Variants in EDIL3 observed in about 807,000 individuals in gnomAD.
EDIL3 encodes EGF like and discoidin domains 3.
Under a neutral mutation model 67.4 loss-of-function variants are expected in EDIL3, and 37 were observed. The ratio of observed to expected loss-of-function variants is 0.55; its 90% CI spans 0.42 to 0.72. The LOEUF is 0.72. Ranked by LOEUF, EDIL3 falls within the 30% of genes least tolerant of loss-of-function variation. The pLI is 0.00. For synonymous variants in EDIL3, 195 were observed against 196.3 expected, an observed-to-expected ratio of 0.99 and a Z score of 0.05; for missense variants, 527 against 586.3, an observed-to-expected ratio of 0.90 and a Z score of 1.04.
intron 5 of EDIL3, among the ~76,000 whole-genome samples, chr5:84,112,757 T>G (rs1348624525): frequency 6.6e-6 from 1 of 152,170 alleles, no homozygotes; most frequent in Non-Finnish European, 1.5e-5. Flanking sequence ...AGAACCCCTT[T>G]GTAGGCAAAG....
At chr5:84,175,562 T>C (rs1036442609) in intron 4 of EDIL3, among the ~76,000 whole-genome samples, 16 of 152,208 alleles carry the variant, frequency 1.1e-4, no homozygotes, top group African/African-American at 3.4e-4. Flanking sequence ...AGAAGTGTTA[T>C]TTCCACACTC....
rs552651047 is a variant in EDIL3, at chr5:84,074,454, C to T, written c.652-7848G>A. On this transcript the variant is annotated intron_variant, in intron 6 of 10. Transcript: ENST00000296591. ...AAATTTTCTCAACCTACTCATCTGA[C>T]AAAGGGCTAATATCCAGAATCTACA... 3.8e-3 allele frequency among the ~76,000 whole-genome samples: 576 copies of T among 152,230 alleles called. 2 individuals are homozygous for T. Among genetic ancestry groups the T allele is most frequent in the African/African-American group, 0.013 (549 of 41,530 alleles).
At chr5:84,125,278 C>T (rs1747847819) in intron 5 of EDIL3, among the ~76,000 whole-genome samples, 1 of 151,988 alleles carries the variant, frequency 6.6e-6, no homozygotes, top group Admixed American at 6.6e-5. Flanking sequence ...TTTCCAGTGA[C>T]TTAATATCAG....
chr5:84,208,665 A>G (rs836037), intron 3 of EDIL3, among the ~76,000 whole-genome samples: 65,809 of 115,922 alleles, frequency 0.57, 15,631 homozygotes, highest in East Asian at 0.62. Flanking sequence ...CGGCCTGGGC[A>G]ACAGAGCGAG....
chr5:84,310,984 T>A (rs964683400), intron 1 of EDIL3, among the ~76,000 whole-genome samples: 3 of 152,084 alleles, frequency 2.0e-5, no homozygotes, highest in South Asian at 4.1e-4. Flanking sequence ...TTCTATCATG[T>A]CTGTTTTTTT....
intron 1 of EDIL3, among the ~76,000 whole-genome samples, chr5:84,292,781 C>A (rs755248756): frequency 7.9e-5 from 12 of 152,068 alleles, no homozygotes; most frequent in Non-Finnish European, 1.3e-4. Context: ...CACTCACCCA[C>A]CCAAACCCAA....
intron 5 of EDIL3, among the ~76,000 whole-genome samples, chr5:84,136,950 A>G (rs1437375774): frequency 2.0e-5 from 3 of 152,090 alleles, no homozygotes; most frequent in African/African-American, 7.2e-5. Context: ...ATCTGAGGAA[A>G]TGTTATCATT....
chr5:84,381,598 T>C (rs1465787788), intron 1 of EDIL3, among the ~76,000 whole-genome samples: 1 of 152,150 alleles, frequency 6.6e-6, no homozygotes, highest in Non-Finnish European at 1.5e-5. Flanking sequence ...AAAATCGCCA[T>C]TGATTAAAAA....
intron 9 of EDIL3, among the ~76,000 whole-genome samples, chr5:84,017,622 T>A (rs752464872): frequency 1.7e-4 from 26 of 152,106 alleles, no homozygotes; most frequent in South Asian, 4.1e-4. Flanking sequence ...AAATGTATAA[T>A]AACTGTGGGA....
intron 5 of EDIL3, among the ~76,000 whole-genome samples, chr5:84,115,432 CTA>C (rs1305778043): frequency 2.9e-4 from 44 of 152,196 alleles, no homozygotes; most frequent in African/African-American, 1.0e-3. Context: ...TAAAAATTGT[CTA>C]TTAATATTTC....
intron 6 of EDIL3, among the ~76,000 whole-genome samples, chr5:84,103,816 G>A (rs763169209): frequency 1.1e-4 from 16 of 151,822 alleles, no homozygotes; most frequent in Admixed American, 6.6e-5. Flanking sequence ...TGAAGATTCC[G>A]CAAAGAACTA....
intron 3 of EDIL3, among the ~76,000 whole-genome samples, chr5:84,214,999 C>T (rs1186720913): frequency 2.0e-5 from 3 of 152,110 alleles, no homozygotes; most frequent in South Asian, 4.1e-4. Flanking sequence ...GGATTATAGG[C>T]GTGAGCCACC....
intron 1 of EDIL3, among the ~76,000 whole-genome samples, chr5:84,382,005 G>C (rs1748086053): frequency 6.6e-6 from 1 of 152,214 alleles, no homozygotes; most frequent in Non-Finnish European, 1.5e-5. Flanking sequence ...TTCTGTGTTA[G>C]CACTGGCTTC....
chr5:84,027,418 A>T (rs1189585820), intron 9 of EDIL3, among the ~76,000 whole-genome samples: 2 of 152,190 alleles, frequency 1.3e-5, no homozygotes, highest in Admixed American at 6.5e-5. Flanking sequence ...AATTCAGAGA[A>T]GGGAAGCTTG....
At chr5:84,357,084 C>A (rs1221761172) in intron 1 of EDIL3, among the ~76,000 whole-genome samples, 1 of 151,636 alleles carries the variant, frequency 6.6e-6, no homozygotes, top group Non-Finnish European at 1.5e-5. Flanking sequence ...ACCACCACAC[C>A]AAGCTAACTT....
chr5:84,305,589 T>C (rs1746247938), intron 1 of EDIL3, among the ~76,000 whole-genome samples: 1 of 152,198 alleles, frequency 6.6e-6, no homozygotes, highest in Admixed American at 6.5e-5. Flanking sequence ...AAATTAACTT[T>C]AAGATACAGG....
chr5:84,356,289 C>T (rs578137828), intron 1 of EDIL3, among the ~76,000 whole-genome samples: 12 of 152,310 alleles, frequency 7.9e-5, no homozygotes, highest in African/African-American at 2.6e-4. Context: ...TTCTTTCAGA[C>T]AAACTCCACG....
intron 9 of EDIL3, among the ~76,000 whole-genome samples, chr5:84,019,483 T>C (rs1745671175): frequency 1.3e-5 from 2 of 152,086 alleles, no homozygotes; most frequent in South Asian, 2.1e-4. Flanking sequence ...ACATGGCACA[T>C]GTATACATAT....
intron 2 of EDIL3, among the ~76,000 whole-genome samples, chr5:84,242,039 T>G: frequency 7.8e-6 from 1 of 128,786 alleles, no homozygotes. Flanking sequence ...GCTAAAACAG[T>G]GAAACCCCGT....
Sources: gnomAD v4.1 joint callset for allele counts (sites outside exome capture counted in the v4.1 genomes callset) on GRCh38, gnomAD v4.1.1 for gene constraint, MANE v1.5 for transcripts, NCBI Gene and HGNC (gene_info 2026-07-23, HGNC 2026-07-21) for gene names.